Variants in WARS1 observed in about 807,000 individuals in gnomAD.
WARS1 encodes the protein tryptophan--tRNA ligase, cytoplasmic.
In WARS1, 17 loss-of-function variants were observed where a neutral mutation model predicts 47.8. The observed-to-expected ratio is 0.36, with a 90% CI of 0.24 to 0.53. The LOEUF (loss-of-function observed/expected upper bound fraction) is 0.53. WARS1 is among the 20% of genes least tolerant of loss of function. The pLI, the probability that WARS1 is intolerant of heterozygous loss-of-function variation, is 0.91. For synonymous variants in WARS1, 208 were observed against 228.1 expected, an observed-to-expected ratio of 0.91 and a Z score of 0.79; for missense variants, 434 against 608.0, an observed-to-expected ratio of 0.71 and a Z score of 3.01.
At chr14:100,336,057 C>G (rs1049830930) in intron 10 of WARS1, among the ~76,000 whole-genome samples, 1 of 151,550 alleles carries the variant, frequency 6.6e-6, no homozygotes, top group Non-Finnish European at 1.5e-5. Flanking sequence ...GGGTGGATCA[C>G]GAGGTCGGGA....
chr14:100,343,170 C>G, intron 8 of WARS1, 105 bp downstream of exon 8: 1 of 967,666 alleles, frequency 1.0e-6, no homozygotes, highest in Non-Finnish European at 1.5e-6. Flanking sequence ...AGCCACCCTG[C>G]CTGGCTGCCC....
intron 4 of WARS1, among the ~76,000 whole-genome samples, chr14:100,357,063 G>C (rs564002805): frequency 2.6e-5 from 4 of 152,260 alleles, no homozygotes; most frequent in African/African-American, 9.6e-5. Flanking sequence ...AAACCCACAT[G>C]ATCATCTCAA....
intron 9 of WARS1, among the ~76,000 whole-genome samples, chr14:100,338,690 T>C (rs1893918781): frequency 1.3e-5 from 2 of 151,858 alleles, no homozygotes; most frequent in South Asian, 4.2e-4. Context: ...TGCCTTGGCC[T>C]CCCAAAGTGC....
At chr14:100,366,631 C>CCATGGA (rs1447342504) in intron 2 of WARS1, 2 of 757,124 alleles carry the variant, frequency 2.6e-6, no homozygotes, top group East Asian at 4.9e-5. Flanking sequence ...CAGACATGGC[C>CCATGGA]CATGGACATG....
chr14:100,342,853 T>C (rs1894267704), intron 8 of WARS1, among the ~76,000 whole-genome samples: 1 of 152,014 alleles, frequency 6.6e-6, no homozygotes, highest in Non-Finnish European at 1.5e-5. Flanking sequence ...CCGCATGCAT[T>C]AGGTATTTGT....
At chr14:100,338,110 C>G (rs1265071196) in intron 9 of WARS1, among the ~76,000 whole-genome samples, 1 of 152,002 alleles carries the variant, frequency 6.6e-6, no homozygotes, top group Non-Finnish European at 1.5e-5. Flanking sequence ...TCTTCACTTA[C>G]AAACAGGCAA....
chr14:100,336,092 G>C (rs538047193), intron 10 of WARS1, among the ~76,000 whole-genome samples: 1 of 151,646 alleles, frequency 6.6e-6, no homozygotes, highest in South Asian at 2.1e-4. Context: ...TGAATAAGAC[G>C]GTAAAACCCT....
intron 5 of WARS1, 136 bp downstream of exon 5, chr14:100,354,310 CA>C: frequency 3.0e-6 from 4 of 1,345,362 alleles, no homozygotes; most frequent in Non-Finnish European, 3.0e-6. Flanking sequence ...GAATGGAAGC[CA>C]AAAAAGTGCC....
In WARS1 at chr14:100,369,082, T is replaced by G; in HGVS notation, c.99+5A>C. The G allele has an allele frequency of 6.5e-7, 1 of 1,533,972 alleles. No homozygotes were observed. ...CTTCGTGGAGAACCCAGCAAAATCA[T>G]GTACCTTTGACGCATTTCCCGCTTT... On this transcript the variant is annotated splice_donor_5th_base_variant and intron_variant, in intron 2 of 10. Coordinates refer to ENST00000392882, the MANE Select transcript of WARS1 (RefSeq NM_004184.4).
chr14:100,346,789 G>T lies in WARS1; in HGVS notation c.783C>A (p.Asn261Lys), dbSNP rs370820642. The change falls in exon 7 of 11, where the codon AAC becomes AAA. Residue 261 changes from asparagine (N) to lysine (K), a missense_variant. This residue lies in a region of WARS1 where 347 missense variants were observed against 523.8 expected (regional missense o/e 0.66). Coordinates refer to ENST00000392882, the MANE Select transcript of WARS1 (RefSeq NM_004184.4). ...TGAAGCCGAAAATGCCTTTCACTTG[G>T]TTGAAGGTAACATGCTTTTGAATCT... ...VVKIQKHVTFNQVKGIFGFTD... is the reference protein window; with the variant it reads ...VVKIQKHVTFKQVKGIFGFTD... The T allele has an allele frequency of 1.4e-5, 22 of 1,614,030 alleles. No individual in the cohort carries two copies. Among genetic ancestry groups the T allele is most frequent in the Non-Finnish European group, 1.8e-5 (21 of 1,180,020 alleles).
intron 9 of WARS1, among the ~76,000 whole-genome samples, chr14:100,339,606 A>AAG (rs1218158495): frequency 6.6e-6 from 1 of 151,380 alleles, no homozygotes; most frequent in Non-Finnish European, 1.5e-5. Context: ...AAAAAAAAAA[A>AAG]AAAGGAAAAA....
chr14:100,364,214 A>G (rs185189588), intron 2 of WARS1, among the ~76,000 whole-genome samples: 2 of 152,296 alleles, frequency 1.3e-5, no homozygotes, highest in East Asian at 3.9e-4. Flanking sequence ...GAAGAAGAAA[A>G]AGGCTCTGCT....
At position 100,373,483 on chromosome 14, in the gene WARS1, C is replaced by T. The variant is rs755387683; in HGVS notation, c.-74+1800G>A. The stretch of plus-strand genomic sequence containing the variant: ...TCCTTCCAAAAAATGTGGTGCCCCG[C>T]GTGAAGGCAACAAGGCAGCAGCAGT... On this transcript the variant is annotated intron_variant, in intron 1 of 10. Transcript: ENST00000392882. The surrounding 1 kb of genome is among the most constrained non-coding windows in gnomAD (Gnocchi z 4.4). 2.6e-5 allele frequency among the ~76,000 whole-genome samples: 4 copies of T among 152,118 alleles called. No individual in the cohort carries two copies. The highest frequency in any genetic ancestry group is 1.9e-4 in the East Asian group (1 of 5,190).
chr14:100,368,786 C>T (rs1566867372), intron 2 of WARS1, among the ~76,000 whole-genome samples: 1 of 17,540 alleles, frequency 5.7e-5, no homozygotes, highest in Non-Finnish European at 2.1e-4. Flanking sequence ...CGTGGTGAAA[C>T]CCCCATCTCT....
intron 1 of WARS1, among the ~76,000 whole-genome samples, chr14:100,372,326 T>TA (rs564881705): frequency 1.1e-4 from 17 of 151,616 alleles, no homozygotes; most frequent in Middle Eastern, 6.8e-3. Flanking sequence ...TTTTATAAAA[T>TA]AAAAAAACAA....
intron 4 of WARS1, among the ~76,000 whole-genome samples, chr14:100,356,988 G>T (rs900316974): frequency 2.6e-4 from 39 of 152,136 alleles, no homozygotes; most frequent in African/African-American, 9.2e-4. Context: ...TTCCAGGAAC[G>T]CAAGGTTGAT....
chr14:100,368,711 A>C, intron 2 of WARS1, among the ~76,000 whole-genome samples: 1 of 152,228 alleles, frequency 6.6e-6, no homozygotes. Flanking sequence ...TGGTAATCCC[A>C]GCACTTTGGG....
At chr14:100,344,256 G>T (rs8020597) in intron 7 of WARS1, among the ~76,000 whole-genome samples, 113,947 of 151,720 alleles carry the variant, frequency 0.75, 43,383 homozygotes, top group East Asian at 0.87. Flanking sequence ...CTGGTTTTCG[G>T]ATTTTTTTGG....
At chr14:100,352,237 A>C (rs2139995540) in intron 6 of WARS1, among the ~76,000 whole-genome samples, 1 of 144,682 alleles carries the variant, frequency 6.9e-6, no homozygotes, top group African/African-American at 2.5e-5. Flanking sequence ...TCAGCCTCCC[A>C]AGTAGCTGCA....
Sources: gnomAD v4.1 joint callset for allele counts (sites outside exome capture counted in the v4.1 genomes callset) on GRCh38, gnomAD v4.1.1 for gene constraint, gnomAD v4.1.1 regional missense constraint, Gnocchi (gnomAD v3.1) non-coding constraint, MANE v1.5 for transcripts, NCBI Gene and HGNC (gene_info 2026-07-23, HGNC 2026-07-21) for gene names.